TOP2B: variants seen among roughly 807,000 people sequenced by gnomAD.
The protein encoded by TOP2B is DNA topoisomerase 2-beta.
In TOP2B, 51 loss-of-function variants were observed where a neutral mutation model predicts 193.5. That is an observed-to-expected ratio of 0.26 (90% CI 0.21 to 0.33). The LOEUF is 0.33. TOP2B is among the 10% of genes least tolerant of loss of function. TOP2B has a pLI of 1.00. For missense variants in TOP2B, 1,378 were observed against 1,909.3 expected, an observed-to-expected ratio of 0.72 and a Z score of 5.19; for synonymous variants, 634 against 635.7, an observed-to-expected ratio of 1.00 and a Z score of 0.04.
chr3:25,620,602 C>T, intron 22 of TOP2B, 80 bp downstream of exon 22: 1 of 1,471,668 alleles, frequency 6.8e-7, no homozygotes, highest in Non-Finnish European at 9.1e-7. Flanking sequence ...TTAGGACCAA[C>T]AACGGTGGAA....
chr3:25,636,766 G>A (rs1016084804), intron 6 of TOP2B, among the ~76,000 whole-genome samples: 2 of 151,848 alleles, frequency 1.3e-5, no homozygotes, highest in Non-Finnish European at 2.9e-5. Context: ...CTTCAACAAC[G>A]GGGTTGCTGG....
rs750199750 is a variant in TOP2B, at chr3:25,607,188, T to C, written c.4281A>G (p.Lys1427=). ...DKDEYTFSPG[K]SKATPEKSLH... ...TTACTTACTCTGGAGTGGCTTTTGA[T>C]TTGCCTGGTGAAAATGTATATTCAT... Residue 1427 remains lysine, a synonymous_variant, in exon 31 of 36, where the codon AAA becomes AAG. Transcript: ENST00000264331. 1.2e-6 allele frequency: 2 copies of C among 1,613,038 alleles called. No individual in the cohort carries two copies. The highest frequency in any genetic ancestry group is 2.7e-5 in the African/African-American group (2 of 74,902).
chr3:25,603,544 G>A (rs955434054), intron 33 of TOP2B, among the ~76,000 whole-genome samples: 1 of 152,038 alleles, frequency 6.6e-6, no homozygotes, highest in African/African-American at 2.4e-5. Context: ...CGCCCAGCCT[G>A]ATTGTTTTTT....
intron 22 of TOP2B, 30 bp downstream of exon 22, chr3:25,620,652 C>T: frequency 1.2e-6 from 2 of 1,601,610 alleles, no homozygotes; most frequent in South Asian, 1.1e-5. Flanking sequence ...CACTGCCCTT[C>T]CCTCAGGCAG....
chr3:25,617,169 C>G (rs1475226472), intron 25 of TOP2B, among the ~76,000 whole-genome samples: 1 of 151,990 alleles, frequency 6.6e-6, no homozygotes, highest in Non-Finnish European at 1.5e-5. Context: ...CTGTAGAAAT[C>G]TTTATCTTTT....
At chr3:25,630,273 C>T in intron 12 of TOP2B, 39 bp downstream of exon 12, 1 of 1,533,748 alleles carries the variant, frequency 6.5e-7, no homozygotes, top group Non-Finnish European at 8.8e-7. Context: ...TGTATGTGTG[C>T]ATGTGTGTAT....
intron 7 of TOP2B, 93 bp from the exon 8 acceptor site, chr3:25,634,107 CACTT>C (rs1281290183): frequency 5.3e-6 from 5 of 938,502 alleles, no homozygotes; most frequent in Middle Eastern, 3.2e-4. Context: ...CATTTCCTCT[CACTT>C]ACAACAGTTC....
Position 25,598,330 on chromosome 3 carries a change from C to A in TOP2B, c.4858G>T (p.Val1620Phe), listed in dbSNP as rs187350468. The change falls in exon 36 of 36, where the codon GTT (valine) becomes TTT (phenylalanine). Residue 1620 changes from valine (V) to phenylalanine (F), a missense_variant. By Grantham distance (50) the Val-to-Phe change is conservative. Transcript: ENST00000264331. Reference sequence around the variant, plus strand: ...ACTTAATTAAACATTGCAAAATCAACATCATCTTCTTCTTCATCAGACTCT... The same window carrying A: ...ACTTAATTAAACATTGCAAAATCAAAATCATCTTCTTCTTCATCAGACTCT... Reference protein sequence around the residue: ...FAESDEEEDDVDFAMFN With the variant: ...FAESDEEEDDFDFAMFN The A allele has an allele frequency of 6.2e-7, 1 of 1,609,870 alleles. No homozygotes were observed. The highest frequency in any genetic ancestry group is 2.2e-5 in the East Asian group (1 of 44,798).
intron 4 of TOP2B, among the ~76,000 whole-genome samples, chr3:25,642,010 G>C (rs1195939251): frequency 6.6e-6 from 1 of 152,048 alleles, no homozygotes; most frequent in Non-Finnish European, 1.5e-5. Context: ...TAATATAACT[G>C]GAATCACACT....
Position 25,664,601 on chromosome 3 carries a change from G to C in TOP2B, c.-304C>G. On this transcript the variant is annotated 5_prime_UTR_variant, in exon 1 of 36. Coordinates refer to ENST00000264331, the MANE Select transcript of TOP2B (RefSeq NM_001330700.2). ...GAGCGGCGGCGTTGCCTTCTCGCCC[G>C]CCCGCGGGCGCCGCTGCAGGCCGGG... The C allele has an allele frequency of 1.0e-6, 1 of 1,001,966 alleles. No individual in the cohort carries two copies. The highest frequency in any genetic ancestry group is 1.2e-6 in the Non-Finnish European group (1 of 841,622). The allele number at this position is 1,001,966 out of a possible 1,614,324, so 62.1% of individuals were successfully genotyped here.
chr3:25,661,288 C>T (rs1056846079), intron 1 of TOP2B, among the ~76,000 whole-genome samples: 4 of 152,124 alleles, frequency 2.6e-5, no homozygotes, highest in South Asian at 2.1e-4. Flanking sequence ...CGTGAGCCAC[C>T]GCACCCGGCA....
At chr3:25,627,161 A>C in intron 16 of TOP2B, 26 bp downstream of exon 16, 1 of 1,528,240 alleles carries the variant, frequency 6.5e-7, no homozygotes, top group Non-Finnish European at 9.0e-7. Flanking sequence ...GGCTAACAAA[A>C]GCTTTTAAAA....
intron 33 of TOP2B, among the ~76,000 whole-genome samples, chr3:25,602,246 A>G (rs1468321267): frequency 6.6e-6 from 1 of 151,816 alleles, no homozygotes; most frequent in African/African-American, 2.4e-5. Context: ...AAATACAAAA[A>G]ATTAGCCCAG....
intron 1 of TOP2B, among the ~76,000 whole-genome samples, chr3:25,648,116 T>C (rs536690139): frequency 3.3e-4 from 50 of 152,370 alleles, no homozygotes; most frequent in Admixed American, 6.5e-4. Flanking sequence ...AGGGCAGTGC[T>C]ACCCTAGAAA....
At chr3:25,629,009 T>C in intron 14 of TOP2B, 26 bp downstream of exon 14, 2 of 1,575,096 alleles carry the variant, frequency 1.3e-6, no homozygotes, top group South Asian at 1.2e-5. Flanking sequence ...GACAACAATA[T>C]AAAAATATAT....
At chr3:25,602,547 C>A (rs376934815) in intron 33 of TOP2B, among the ~76,000 whole-genome samples, 1 of 150,126 alleles carries the variant, frequency 6.7e-6, no homozygotes, top group Non-Finnish European at 1.5e-5. Flanking sequence ...GTATTCCAGT[C>A]GCAATTTGAG....
intron 1 of TOP2B, among the ~76,000 whole-genome samples, chr3:25,653,865 ATC>A (rs764355231): frequency 6.6e-6 from 1 of 152,248 alleles, no homozygotes; most frequent in Admixed American, 6.5e-5. Context: ...ACACATTATC[ATC>A]TCAATTGATG....
intron 1 of TOP2B, among the ~76,000 whole-genome samples, chr3:25,652,051 C>T (rs1703607354): frequency 6.6e-6 from 1 of 152,114 alleles, no homozygotes; most frequent in African/African-American, 2.4e-5. Context: ...AGTGGCCGTA[C>T]TTACATCAGA....
At chr3:25,661,177 TTA>T (rs921074789) in intron 1 of TOP2B, among the ~76,000 whole-genome samples, 34 of 152,098 alleles carry the variant, frequency 2.2e-4, no homozygotes, top group Admixed American at 4.6e-4. Context: ...TTTTGTATTT[TTA>T]GTAGAGATGG....
Sources: gnomAD v4.1 joint callset for allele counts (sites outside exome capture counted in the v4.1 genomes callset) on GRCh38, gnomAD v4.1.1 for gene constraint, MANE v1.5 for transcripts, NCBI Gene and HGNC (gene_info 2026-07-23, HGNC 2026-07-21) for gene names.